ANKRD12: variants seen among roughly 807,000 people sequenced by gnomAD.
ANKRD12 encodes the protein ankyrin repeat domain-containing protein 12.
In ANKRD12, 85 loss-of-function variants were observed where a neutral mutation model predicts 183.4. The observed-to-expected ratio is 0.46, with a 90% CI of 0.39 to 0.56. The LOEUF (loss-of-function observed/expected upper bound fraction) is 0.56, where lower values mean the gene tolerates loss of function less well. Ranked by LOEUF, ANKRD12 falls within the 20% of genes least tolerant of loss-of-function variation. The pLI is 0.00. For missense variants in ANKRD12, 2,405 were observed against 2,357.1 expected (o/e 1.02, Z -0.42); for synonymous variants, 914 against 800.2 (o/e 1.14, Z -2.40).
chr18:9,211,837 C>T (rs1186020294), intron 6 of ANKRD12, 53 bp downstream of exon 6: 2 of 1,383,728 alleles, frequency 1.4e-6, no homozygotes, highest in Admixed American at 1.9e-5. Flanking sequence ...TTAAACAGAT[C>T]CTGGTTACAA....
At chr18:9,231,806 C>T (rs944680124) in intron 8 of ANKRD12, among the ~76,000 whole-genome samples, 2 of 109,900 alleles carry the variant, frequency 1.8e-5, no homozygotes, top group Non-Finnish European at 3.5e-5. Flanking sequence ...ACCTGGGCAA[C>T]AGAGCAAGAC....
chr18:9,164,526 T>A (rs1156606378), intron 1 of ANKRD12, among the ~76,000 whole-genome samples: 1 of 152,208 alleles, frequency 6.6e-6, no homozygotes, highest in East Asian at 1.9e-4. Context: ...AGCTTTTTGA[T>A]GTGGGCATTT....
intron 1 of ANKRD12, among the ~76,000 whole-genome samples, chr18:9,163,791 A>G (rs1028785819): frequency 3.3e-5 from 5 of 152,248 alleles, no homozygotes; most frequent in African/African-American, 7.2e-5. Context: ...CTTTGTAGCA[A>G]TTATGAATGG....
chr18:9,183,160 T>C (rs1251482125), intron 2 of ANKRD12, among the ~76,000 whole-genome samples: 1 of 152,198 alleles, frequency 6.6e-6, no homozygotes, highest in East Asian at 1.9e-4. Context: ...CAACCCCATA[T>C]CTGCTTTCAA....
chr18:9,219,804 G>A (rs543689744), intron 7 of ANKRD12, among the ~76,000 whole-genome samples: 223 of 151,736 alleles, frequency 1.5e-3, no homozygotes, highest in Non-Finnish European at 2.5e-3. Flanking sequence ...ATGACCTCTG[G>A]AAGTGCTTCT....
At chr18:9,215,954 A>G (rs2144685971) in intron 6 of ANKRD12, among the ~76,000 whole-genome samples, 1 of 152,136 alleles carries the variant, frequency 6.6e-6, no homozygotes, top group Admixed American at 6.6e-5. Context: ...AGAAGACAGA[A>G]GAAGCCATGC....
In ANKRD12 at chr18:9,175,523, C is replaced by CTTTTTTTTTTTTTTTTTTTTTTTTTTT. The variant is rs33944736; in HGVS notation, c.-51-6857_-51-6831dup. ...CTTGATCAGTTTTTCAAAGGCTCCTCTTTTTTTTTTTTTTTTTTTTTTTTT... is the reference window on the plus strand; with the variant it reads ...CTTGATCAGTTTTTCAAAGGCTCCTCTTTTTTTTTTTTTTTTTTTTTTTTTTTTTTTTTTTTTTTTTTTTTTTTTTTT... On this transcript the variant is annotated intron_variant, in intron 1 of 12. Coordinates refer to ENST00000262126, the MANE Select transcript of ANKRD12 (RefSeq NM_015208.5). Among the ~76,000 whole-genome samples, 2 of 53,302 alleles carry CTTTTTTTTTTTTTTTTTTTTTTTTTTT rather than the reference C, an allele frequency of 3.8e-5. 1 individual carries two copies. Among genetic ancestry groups the CTTTTTTTTTTTTTTTTTTTTTTTTTTT allele is most frequent in the Non-Finnish European group, 6.4e-5 (2 of 31,442 alleles). 35.0% of individuals were successfully genotyped at this position (53,302 alleles called of 152,430 possible).
intron 1 of ANKRD12, among the ~76,000 whole-genome samples, chr18:9,153,914 G>C (rs1598402784): frequency 6.6e-6 from 1 of 151,886 alleles, no homozygotes; most frequent in African/African-American, 2.4e-5. Context: ...TTCAACCCAT[G>C]TATGTTCATA....
chr18:9,256,031 C>T lies in ANKRD12; in HGVS notation c.2764C>T (p.Leu922=). The part of the protein sequence containing the change: ...DKEKPEKERH[L]AESKEKHLME... ...AGAAAAGCCTGAAAAAGAGAGGCAT[C>T]TAGCAGAAAGCAAAGAAAAGCACTT... The change falls in exon 9 of 13, where the codon CTA becomes TTA. Residue 922 remains leucine, a synonymous_variant. Coordinates refer to ENST00000262126, the MANE Select transcript of ANKRD12 (RefSeq NM_015208.5). 2 of 1,558,812 alleles carry T rather than the reference C, an allele frequency of 1.3e-6. No homozygotes were observed. Among genetic ancestry groups the T allele is most frequent in the Non-Finnish European group, 1.7e-6 (2 of 1,159,676 alleles).
chr18:9,285,651 T>G lies in ANKRD12; in HGVS notation c.*4525T>G, dbSNP rs753849717. 1 of 152,098 alleles carries G rather than the reference T, an allele frequency of 6.6e-6. No individual in the cohort carries two copies. Among genetic ancestry groups the G allele is most frequent in the African/African-American group, 2.4e-5 (1 of 41,428 alleles). The allele number at this position is 152,098 out of a possible 1,614,324, so 9.4% of individuals were successfully genotyped here. Reference sequence around the variant, plus strand: ...CATGTTACCATCACCCAAATTAAGATATTGTAAAACATTTTCATTACTCTA... The same window carrying G: ...CATGTTACCATCACCCAAATTAAGAGATTGTAAAACATTTTCATTACTCTA... On this transcript the variant is annotated 3_prime_UTR_variant, in exon 13 of 13. Transcript: ENST00000262126.
chr18:9,219,429 AC>A lies in ANKRD12; in HGVS notation c.796-2422del, dbSNP rs1339211166. Among the ~76,000 whole-genome samples, 6 of 152,256 alleles carry A rather than the reference AC, an allele frequency of 3.9e-5. No homozygotes were observed. The East Asian group carries it at 1.2e-3, about 29-fold the overall frequency. On this transcript the variant is annotated intron_variant, in intron 7 of 12. Transcript: ENST00000262126. The stretch of plus-strand genomic sequence containing the variant: ...AGGGGCAGTTTCAAAGGATAGACCC[AC>A]AAGGGCAAAGAACAGAAGAAACAAA...
chr18:9,182,981 T>A (rs1366579742), intron 2 of ANKRD12, among the ~76,000 whole-genome samples: 1 of 152,210 alleles, frequency 6.6e-6, no homozygotes, highest in African/African-American at 2.4e-5. Flanking sequence ...AAAGTCTTTT[T>A]AAAAGCCATT....
chr18:9,252,024 A>G (rs1362468928), intron 8 of ANKRD12, among the ~76,000 whole-genome samples: 2 of 152,210 alleles, frequency 1.3e-5, no homozygotes, highest in Non-Finnish European at 2.9e-5. Context: ...CAGAGACTTT[A>G]AAAATTGGAA....
chr18:9,189,858 C>G (rs961550515), intron 2 of ANKRD12, among the ~76,000 whole-genome samples: 1 of 152,270 alleles, frequency 6.6e-6, no homozygotes, highest in Middle Eastern at 3.4e-3. Flanking sequence ...CAGAGACATA[C>G]AAAGAGAATA....
At chr18:9,206,797 T>C (rs146161167) in intron 4 of ANKRD12, among the ~76,000 whole-genome samples, 1 of 152,210 alleles carries the variant, frequency 6.6e-6, no homozygotes, top group African/African-American at 2.4e-5. Context: ...CCTGAGTATG[T>C]ATTACTTTAT....
chr18:9,233,492 T>C (rs1290067547), intron 8 of ANKRD12, among the ~76,000 whole-genome samples: 1 of 152,246 alleles, frequency 6.6e-6, no homozygotes, highest in Admixed American at 6.5e-5. Flanking sequence ...TTTTCATGTT[T>C]CCTTTTGTCC....
chr18:9,213,247 G>A (rs1254239531), intron 6 of ANKRD12, among the ~76,000 whole-genome samples: 1 of 151,888 alleles, frequency 6.6e-6, no homozygotes, highest in East Asian at 1.9e-4. Flanking sequence ...TTTATTTGCT[G>A]TGAGTGGGGA....
intron 1 of ANKRD12, among the ~76,000 whole-genome samples, chr18:9,176,106 A>T (rs1312496168): frequency 6.6e-6 from 1 of 152,154 alleles, no homozygotes; most frequent in South Asian, 2.1e-4. Flanking sequence ...TGGTCTTGTT[A>T]CTATAACTTA....
chr18:9,273,877 A>G (rs912490860), intron 10 of ANKRD12, among the ~76,000 whole-genome samples: 2 of 152,214 alleles, frequency 1.3e-5, no homozygotes, highest in African/African-American at 2.4e-5. Flanking sequence ...TTCATCTGAC[A>G]TAGATTAACA....
Sources: gnomAD v4.1 joint callset for allele counts (sites outside exome capture counted in the v4.1 genomes callset) on GRCh38, gnomAD v4.1.1 for gene constraint, MANE v1.5 for transcripts, NCBI Gene and HGNC (gene_info 2026-07-23, HGNC 2026-07-21) for gene names.